Variants in SNTG1 observed in about 807,000 individuals in gnomAD.
SNTG1 encodes gamma-1-syntrophin.
SNTG1 carries 39 observed loss-of-function variants against 74.7 expected under a neutral mutation model. The ratio of observed to expected loss-of-function variants is 0.52; its 90% CI spans 0.40 to 0.68. The LOEUF (loss-of-function observed/expected upper bound fraction) is 0.68. SNTG1 is among the 30% of genes least tolerant of loss of function. The pLI is 0.00. For synonymous variants in SNTG1, 254 were observed against 217.1 expected, an observed-to-expected ratio of 1.17 and a Z score of -1.49; for missense variants, 685 against 609.5, an observed-to-expected ratio of 1.12 and a Z score of -1.30.
chr8:50,721,102 A>C (rs2095486582), intron 17 of SNTG1, among the ~76,000 whole-genome samples: 1 of 152,216 alleles, frequency 6.6e-6, no homozygotes, highest in African/African-American at 2.4e-5. Flanking sequence ...TAGCATTAAT[A>C]CAACTTCACC....
chr8:50,615,492 C>T (rs925201709), intron 13 of SNTG1, among the ~76,000 whole-genome samples: 2 of 152,018 alleles, frequency 1.3e-5, no homozygotes, highest in African/African-American at 2.4e-5. Context: ...GAAGCATAAC[C>T]GAATACAGAG....
intron 17 of SNTG1, among the ~76,000 whole-genome samples, chr8:50,747,417 CTTAAGTACT>C (rs1252985947): frequency 8.0e-6 from 1 of 125,034 alleles, no homozygotes; most frequent in East Asian, 2.2e-4. Flanking sequence ...AGAAATCTAG[CTTAAGTACT>C]ACAAGTTTTT....
intron 2 of SNTG1, among the ~76,000 whole-genome samples, chr8:50,363,706 C>G (rs17772076): frequency 0.049 from 7,455 of 151,956 alleles, 247 homozygotes; most frequent in Non-Finnish European, 0.071. Flanking sequence ...AAGTTATATG[C>G]TATTATATGT....
chr8:50,200,625 T>C (rs950357828), intron 2 of SNTG1, among the ~76,000 whole-genome samples: 2 of 152,112 alleles, frequency 1.3e-5, no homozygotes, highest in African/African-American at 4.8e-5. Flanking sequence ...CTCTAGTCAA[T>C]TTAGTCACCA....
At chr8:50,107,740 G>T (rs375793693) in intron 1 of SNTG1, among the ~76,000 whole-genome samples, 4 of 151,706 alleles carry the variant, frequency 2.6e-5, no homozygotes, top group Non-Finnish European at 5.9e-5. Flanking sequence ...TAGTAGAGAC[G>T]GGGTTTTACC....
chr8:50,219,719 T>C (rs1438322837), intron 2 of SNTG1, among the ~76,000 whole-genome samples: 3 of 152,068 alleles, frequency 2.0e-5, no homozygotes, highest in African/African-American at 7.2e-5. Context: ...GTCGCCATGA[T>C]CCAATTACCT....
At chr8:50,721,094 G>A (rs963714102) in intron 17 of SNTG1, among the ~76,000 whole-genome samples, 8 of 152,160 alleles carry the variant, frequency 5.3e-5, no homozygotes, top group Admixed American at 5.2e-4. Flanking sequence ...CCTTTCATTA[G>A]CATTAATACA....
chr8:50,162,355 G>C (rs941800922), intron 1 of SNTG1, among the ~76,000 whole-genome samples: 1 of 151,972 alleles, frequency 6.6e-6, no homozygotes, highest in Non-Finnish European at 1.5e-5. Flanking sequence ...GAGGTCAGGA[G>C]ATGGAGACCA....
At chr8:50,617,378 TCA>T (rs3999830) in intron 13 of SNTG1, among the ~76,000 whole-genome samples, 83,305 of 146,644 alleles carry the variant, frequency 0.57, 23,795 homozygotes, top group East Asian at 0.66. Context: ...AGTAAGCATT[TCA>T]CACACACACA....
At chr8:50,591,302 G>A (rs961687571) in intron 13 of SNTG1, among the ~76,000 whole-genome samples, 4 of 151,960 alleles carry the variant, frequency 2.6e-5, no homozygotes, top group Non-Finnish European at 4.4e-5. Flanking sequence ...TATTTCAAAC[G>A]AGTCTAAGTT....
chr8:50,780,909 G>C (rs140512966), intron 18 of SNTG1, among the ~76,000 whole-genome samples: 14,238 of 152,114 alleles, frequency 0.094, 1,969 homozygotes, highest in African/African-American at 0.3. Flanking sequence ...TTGTGTCTTT[G>C]TTCTCGTTGC....
chr8:50,037,742 C>T lies in SNTG1; in HGVS notation c.-103+125511C>T, dbSNP rs548630643. On this transcript the variant is annotated intron_variant, in intron 1 of 18. Coordinates refer to ENST00000642720, the MANE Select transcript of SNTG1 (RefSeq NM_018967.5). ...AAACATTGGGCTAGTTATCAAATCT[C>T]AGGTCTCTTGGTTTGAATAAAATGG... Among the ~76,000 whole-genome samples the T allele has an allele frequency of 3.3e-5, 5 of 152,288 alleles. No individual in the cohort carries two copies. The South Asian group carries it at 1.0e-3, about 32-fold the overall frequency.
At chr8:49,997,920 A>G (rs1189712293) in intron 1 of SNTG1, among the ~76,000 whole-genome samples, 2 of 152,154 alleles carry the variant, frequency 1.3e-5, no homozygotes, top group Non-Finnish European at 2.9e-5. Context: ...ACTTTTCACT[A>G]AATAATGGGA....
At chr8:50,754,568 G>A (rs1022871170) in intron 18 of SNTG1, among the ~76,000 whole-genome samples, 1 of 151,724 alleles carries the variant, frequency 6.6e-6, no homozygotes, top group African/African-American at 2.4e-5. Flanking sequence ...ATTTTTTGGT[G>A]CCTTGTCTCT....
At chr8:50,485,003 C>T (rs142101942) in intron 8 of SNTG1, among the ~76,000 whole-genome samples, 6 of 152,270 alleles carry the variant, frequency 3.9e-5, no homozygotes, top group South Asian at 2.1e-4. Flanking sequence ...TATAAATATA[C>T]TCTCTGCCAT....
chr8:50,463,772 A>G (rs955015377), intron 8 of SNTG1, among the ~76,000 whole-genome samples: 23 of 152,190 alleles, frequency 1.5e-4, no homozygotes, highest in African/African-American at 5.5e-4. Context: ...GCCCCTAATA[A>G]TAGAGCCAGC....
intron 11 of SNTG1, among the ~76,000 whole-genome samples, chr8:50,549,957 A>G (rs2094414416): frequency 1.3e-5 from 2 of 152,164 alleles, no homozygotes. Context: ...CTTCAGCCAT[A>G]TGTGAAAGTA....
chr8:50,621,063 C>CTT (rs34101589), intron 13 of SNTG1, among the ~76,000 whole-genome samples: 1 of 145,356 alleles, frequency 6.9e-6, no homozygotes, highest in Non-Finnish European at 1.5e-5. Context: ...AAAGAGATAA[C>CTT]TTTTTTTTTT....
In SNTG1 at chr8:50,780,526, A is replaced by G. The variant is rs576402541; in HGVS notation, c.1396-12145A>G. Among the ~76,000 whole-genome samples the G allele has an allele frequency of 9.1e-4, 138 of 152,224 alleles. 2 individuals are homozygous for G. The highest frequency in any genetic ancestry group is 6.8e-3 in the Middle Eastern group (2 of 294). On this transcript the variant is annotated intron_variant, in intron 18 of 18. Transcript: ENST00000642720. ...GTAGTATTCTCTGATGGTAGTTTGT[A>G]TTTCTGTGGGATTGGTGGTGATATC... is the stretch of plus-strand genomic sequence containing the variant.
Sources: allele counts gnomAD v4.1 joint callset (sites outside exome capture counted in the v4.1 genomes callset), GRCh38; gene constraint gnomAD v4.1.1; transcripts MANE v1.5; gene names NCBI Gene and HGNC (gene_info 2026-07-23, HGNC 2026-07-21).